The following ADAM28 variants were observed in gnomAD, a reference collection of about 807,000 sequenced individuals.
ADAM28 encodes ADAM metallopeptidase domain 28.
A neutral mutation model predicts 101.2 loss-of-function variants in ADAM28; 105 were observed. The ratio of observed to expected loss-of-function variants is 1.04; its 90% CI spans 0.89 to 1.22. The LOEUF is 1.22. Ranked by LOEUF, ADAM28 falls within the 50% of genes most tolerant of loss-of-function variation. The pLI, the probability that ADAM28 is intolerant of heterozygous loss-of-function variation, is 0.00. For missense variants in ADAM28, 1,028 were observed against 945.4 expected (o/e 1.09, Z -1.15); for synonymous variants, 322 against 310.6 (o/e 1.04, Z -0.39).
Position 24,354,496 on chromosome 8 carries a change from G to GTAT in ADAM28, c.*94_*96dup. ...GAGAAATATACTATCTATCTCACCA[G>GTAT]TATTTGCTCTCGACTCAAGAAGGTT... On this transcript the variant is annotated 3_prime_UTR_variant, in exon 23 of 23. Transcript: ENST00000265769. The GTAT allele has an allele frequency of 1.4e-6, 2 of 1,405,854 alleles. No homozygotes were observed. Among genetic ancestry groups the GTAT allele is most frequent in the Non-Finnish European group, 1.9e-6 (2 of 1,031,814 alleles). 87.1% of individuals were successfully genotyped at this position (1,405,854 alleles called of 1,614,324 possible). A position where few individuals can be genotyped will look rare whatever the true frequency, so the allele number is the denominator to read the frequency against.
intron 6 of ADAM28, among the ~76,000 whole-genome samples, chr8:24,316,051 T>C (rs898342378): frequency 2.7e-5 from 4 of 150,820 alleles, no homozygotes; most frequent in African/African-American, 9.7e-5. Flanking sequence ...TTCCTCAACA[T>C]CATAAAGGCC....
At chr8:24,323,247 C>T (rs945885695) in intron 8 of ADAM28, among the ~76,000 whole-genome samples, 7 of 151,884 alleles carry the variant, frequency 4.6e-5, no homozygotes, top group Admixed American at 2.6e-4. Flanking sequence ...GCTCCACTCT[C>T]GTGACCTAAT....
rs35073591 is a variant in ADAM28, at chr8:24,350,864, GTTTTTTTTT to G, written c.2100-350_2100-342del. 2.0e-5 allele frequency among the ~76,000 whole-genome samples: 3 copies of G among 148,232 alleles called. No homozygotes were observed. In the East Asian group the frequency reaches 5.9e-4, roughly 29 times the overall value. On this transcript the variant is annotated intron_variant, in intron 19 of 22. Coordinates refer to ENST00000265769, the MANE Select transcript of ADAM28 (RefSeq NM_014265.6). Reference sequence around the variant, plus strand: ...ACGAACGTGATTCTGGCACAACGGTGTTTTTTTTTTTTTTTTTTTTTTTTTTAGCACTTT... The same window carrying G: ...ACGAACGTGATTCTGGCACAACGGTGTTTTTTTTTTTTTTTTTAGCACTTT...
At chr8:24,323,231 A>G (rs1812113948) in intron 8 of ADAM28, among the ~76,000 whole-genome samples, 1 of 151,922 alleles carries the variant, frequency 6.6e-6, no homozygotes, top group Admixed American at 6.6e-5. Context: ...AATCTCATTC[A>G]TGAGGGCTCC....
chr8:24,309,740 A>G (rs1380274786), intron 2 of ADAM28, among the ~76,000 whole-genome samples, 154 bp from the exon 3 acceptor site: 1 of 152,190 alleles, frequency 6.6e-6, no homozygotes, highest in East Asian at 1.9e-4. Context: ...TTTAGTTGCC[A>G]GAGTTGTTTG....
At chr8:24,314,277 C>G (rs1810865640) in intron 6 of ADAM28, among the ~76,000 whole-genome samples, 1 of 152,012 alleles carries the variant, frequency 6.6e-6, no homozygotes, top group African/African-American at 2.4e-5. Context: ...ATTCATTCAA[C>G]AAATCTCTCT....
intron 6 of ADAM28, among the ~76,000 whole-genome samples, chr8:24,316,954 A>G (rs930140042): frequency 6.6e-6 from 1 of 151,972 alleles, no homozygotes. Flanking sequence ...CAAGAACACC[A>G]TTCCATTTAT....
At chr8:24,335,697 A>G in intron 14 of ADAM28, 56 bp downstream of exon 14, 1 of 1,482,752 alleles carries the variant, frequency 6.7e-7, no homozygotes, top group Non-Finnish European at 9.0e-7. Flanking sequence ...ATTTCAGATG[A>G]CAGTGTTTAA....
At chr8:24,340,739 A>G (rs2129325804) in intron 15 of ADAM28, 1 of 152,274 alleles carries the variant, frequency 6.6e-6, no homozygotes, top group East Asian at 1.9e-4. Context: ...ACACACTCTC[A>G]TATTTTGAGA....
intron 16 of ADAM28, among the ~76,000 whole-genome samples, chr8:24,342,437 T>C (rs1448484904): frequency 6.6e-6 from 1 of 152,212 alleles, no homozygotes; most frequent in Non-Finnish European, 1.5e-5. Flanking sequence ...GTATTGCTTA[T>C]ACGTGGTCTC....
chr8:24,302,506 G>A (rs183994562), intron 2 of ADAM28, among the ~76,000 whole-genome samples: 6 of 152,294 alleles, frequency 3.9e-5, no homozygotes, highest in African/African-American at 1.2e-4. Flanking sequence ...GGTCTTTGAG[G>A]AATTGCCACA....
chr8:24,300,119 A>C, intron 2 of ADAM28, 42 bp downstream of exon 2: 1 of 1,452,506 alleles, frequency 6.9e-7, no homozygotes, highest in South Asian at 1.2e-5. Flanking sequence ...TTTGAGATAC[A>C]TATATACACA....
chr8:24,311,334 C>G, intron 4 of ADAM28, 27 bp from the exon 5 acceptor site: 1 of 1,584,800 alleles, frequency 6.3e-7, no homozygotes, highest in Non-Finnish European at 8.6e-7. Flanking sequence ...ACATGTACTT[C>G]TCTTTACAAA....
At chr8:24,335,377 G>T in intron 13 of ADAM28, 69 bp from the exon 14 acceptor site, 1 of 1,467,068 alleles carries the variant, frequency 6.8e-7, no homozygotes, top group Non-Finnish European at 9.0e-7. Flanking sequence ...AAATATTTGT[G>T]TTAATTTGAG....
intron 18 of ADAM28, 139 bp from the exon 19 acceptor site, chr8:24,349,725 C>CATTT: frequency 1.8e-6 from 1 of 569,708 alleles, no homozygotes; most frequent in East Asian, 2.7e-5. Flanking sequence ...AATACTTTTT[C>CATTT]ATTTTACTGG....
At chr8:24,321,524 C>T (rs142778246) in intron 8 of ADAM28, 388 of 499,466 alleles carry the variant, frequency 7.8e-4, no homozygotes, top group African/African-American at 7.0e-3. Context: ...TATAAGAAGA[C>T]ATAAAAGCTA....
Position 24,327,075 on chromosome 8 carries a change from G to A in ADAM28, c.972+440G>A, listed in dbSNP as rs537405319. Among the ~76,000 whole-genome samples the A allele has an allele frequency of 7.2e-5, 11 of 152,116 alleles. 1 individual carries two copies. Among genetic ancestry groups the A allele is most frequent in the South Asian group, 2.1e-4 (1 of 4,820 alleles). On this transcript the variant is annotated intron_variant, in intron 10 of 22. Transcript: ENST00000265769. The stretch of plus-strand genomic sequence containing the variant: ...ATCAGGCAAGAGAAAGAAATAAAGC[G>A]TATTCAAATAGAAAGAGAGGAAGTC...
At chr8:24,304,508 T>C (rs1388330466) in intron 2 of ADAM28, among the ~76,000 whole-genome samples, 2 of 152,076 alleles carry the variant, frequency 1.3e-5, no homozygotes, top group Non-Finnish European at 2.9e-5. Context: ...AATACTTGTA[T>C]AAATATTTGG....
chr8:24,323,657 T>C (rs573390023), intron 8 of ADAM28, among the ~76,000 whole-genome samples, 177 bp from the exon 9 acceptor site: 1 of 152,130 alleles, frequency 6.6e-6, no homozygotes, highest in Non-Finnish European at 1.5e-5. Flanking sequence ...TCTTTTGTTT[T>C]GAATGGGAGT....
Sources: gnomAD v4.1 joint callset for allele counts (sites outside exome capture counted in the v4.1 genomes callset) on GRCh38, gnomAD v4.1.1 for gene constraint, MANE v1.5 for transcripts, NCBI Gene and HGNC (gene_info 2026-07-23, HGNC 2026-07-21) for gene names.